LUZP2: variants seen among roughly 807,000 people sequenced by gnomAD.
The protein encoded by LUZP2 is leucine zipper protein 2.
LUZP2 carries 52 observed loss-of-function variants against 51.6 expected under a neutral mutation model. The observed-to-expected ratio is 1.01, with a 90% CI of 0.81 to 1.27. The LOEUF is 1.27. LUZP2 is among the 50% of genes most tolerant of loss of function. LUZP2 has a pLI of 0.00. For missense variants in LUZP2, 436 were observed against 395.4 expected (o/e 1.10, Z -0.87); for synonymous variants, 154 against 137.3 (o/e 1.12, Z -0.85).
At chr11:24,893,919 C>T (rs1480272656) in intron 5 of LUZP2, among the ~76,000 whole-genome samples, 2 of 152,052 alleles carry the variant, frequency 1.3e-5, no homozygotes, top group Non-Finnish European at 2.9e-5. Context: ...TATAAACCTG[C>T]TTTACAATTA....
chr11:24,516,652 A>C (rs1296847735), intron 1 of LUZP2, among the ~76,000 whole-genome samples: 1 of 152,202 alleles, frequency 6.6e-6, no homozygotes, highest in African/African-American at 2.4e-5. Flanking sequence ...TTCTGTGAGA[A>C]AGGTAAGAGA....
intron 10 of LUZP2, among the ~76,000 whole-genome samples, chr11:25,051,006 A>G (rs888747831): frequency 6.6e-6 from 1 of 152,230 alleles, no homozygotes; most frequent in African/African-American, 2.4e-5. Flanking sequence ...AGAACAGCAA[A>G]TGACAACAAT....
At position 24,829,872 on chromosome 11, in the gene LUZP2, G is replaced by A. The variant is rs574210547; in HGVS notation, c.396+66564G>A. On this transcript the variant is annotated intron_variant, in intron 5 of 11. Transcript: ENST00000336930. ...AGTTAACAGCTGACAATGCCTTCTT[G>A]CAAAACATGATTGTGGATAAAAGAA... 5.3e-5 allele frequency among the ~76,000 whole-genome samples: 8 copies of A among 152,262 alleles called. No homozygotes were observed. In the East Asian group the frequency reaches 1.5e-3, roughly 29 times the overall value.
chr11:24,996,578 TTTTATTTTATTTTATTTTATTTTA>T (rs1856508715), intron 9 of LUZP2, among the ~76,000 whole-genome samples: 2 of 4,534 alleles, frequency 4.4e-4, no homozygotes, highest in African/African-American at 4.7e-4. Context: ...TCTTTTTTTA[TTTTATTTTATTTTATTTTATTTTA>T]TTTTATTTTA....
intron 1 of LUZP2, among the ~76,000 whole-genome samples, chr11:24,505,199 T>G (rs1051980900): frequency 6.6e-6 from 1 of 152,126 alleles, no homozygotes; most frequent in Non-Finnish European, 1.5e-5. Flanking sequence ...AGGGTTATGA[T>G]GGTTTCTGAC....
At chr11:24,893,771 C>G (rs560889861) in intron 5 of LUZP2, among the ~76,000 whole-genome samples, 1 of 21,162 alleles carries the variant, frequency 4.7e-5, no homozygotes, top group African/African-American at 1.3e-4. Context: ...CAAATACACA[C>G]GCACACACAC....
intron 1 of LUZP2, among the ~76,000 whole-genome samples, chr11:24,502,213 C>T (rs181692415): frequency 4.4e-4 from 62 of 139,536 alleles, no homozygotes; most frequent in African/African-American, 1.8e-3. Flanking sequence ...TTGATTTGGC[C>T]ATAGCAGAAA....
At chr11:25,013,536 T>G (rs1321516896) in intron 9 of LUZP2, among the ~76,000 whole-genome samples, 1 of 152,104 alleles carries the variant, frequency 6.6e-6, no homozygotes, top group East Asian at 1.9e-4. Flanking sequence ...TTGAAATGCG[T>G]GAAGATATAT....
At chr11:24,566,722 T>C (rs1341943694) in intron 1 of LUZP2, among the ~76,000 whole-genome samples, 1 of 146,554 alleles carries the variant, frequency 6.8e-6, no homozygotes, top group African/African-American at 2.5e-5. Flanking sequence ...TATATATATG[T>C]ATATATACAT....
At chr11:24,649,367 G>A (rs1201521337) in intron 1 of LUZP2, among the ~76,000 whole-genome samples, 2 of 151,870 alleles carry the variant, frequency 1.3e-5, no homozygotes, top group East Asian at 3.9e-4. Flanking sequence ...CTTCAAACTT[G>A]GAACATATTT....
intron 1 of LUZP2, among the ~76,000 whole-genome samples, chr11:24,541,712 A>G (rs1851370186): frequency 6.6e-6 from 1 of 152,096 alleles, no homozygotes; most frequent in Admixed American, 6.6e-5. Context: ...CAAAACTTTT[A>G]TTATTCAAAT....
At chr11:24,644,437 T>C (rs1855404092) in intron 1 of LUZP2, among the ~76,000 whole-genome samples, 1 of 152,038 alleles carries the variant, frequency 6.6e-6, no homozygotes, top group South Asian at 2.1e-4. Flanking sequence ...TTTCCTCCTG[T>C]TCGTGCTGCA....
At chr11:24,547,642 A>G (rs569817388) in intron 1 of LUZP2, among the ~76,000 whole-genome samples, 8 of 152,224 alleles carry the variant, frequency 5.3e-5, no homozygotes, top group African/African-American at 1.9e-4. Context: ...CATAGGAAAT[A>G]TCATTCTGGA....
intron 5 of LUZP2, among the ~76,000 whole-genome samples, chr11:24,886,640 G>A (rs2133747598): frequency 6.6e-6 from 1 of 152,110 alleles, no homozygotes; most frequent in South Asian, 2.1e-4. Context: ...CTTCTTAAGG[G>A]GAAGAAACCA....
At chr11:24,648,583 C>CT (rs1855532489) in intron 1 of LUZP2, among the ~76,000 whole-genome samples, 1 of 151,754 alleles carries the variant, frequency 6.6e-6, no homozygotes, top group Non-Finnish European at 1.5e-5. Context: ...CTTCCAGAAA[C>CT]CAAAGTACAA....
At chr11:24,626,692 C>G (rs1020263911) in intron 1 of LUZP2, among the ~76,000 whole-genome samples, 1 of 152,172 alleles carries the variant, frequency 6.6e-6, no homozygotes, top group Non-Finnish European at 1.5e-5. Flanking sequence ...TGTGAATCAA[C>G]TCTGTGGGCT....
In LUZP2 at chr11:24,906,063, T is replaced by G; in HGVS notation, c.459+10T>G. On this transcript the variant is annotated intron_variant, in intron 6 of 11. Coordinates refer to ENST00000336930, the MANE Select transcript of LUZP2 (RefSeq NM_001009909.4). The stretch of plus-strand genomic sequence containing the variant: ...CATTCACGCAGAAGAGGTGAGTAAA[T>G]TTTTGCTTCTTCTAGCTTTAACCAG... 1 of 1,609,164 alleles carries G rather than the reference T, an allele frequency of 6.2e-7. No homozygotes were observed. The highest frequency in any genetic ancestry group is 8.5e-7 in the Non-Finnish European group (1 of 1,176,542).
intron 5 of LUZP2, among the ~76,000 whole-genome samples, chr11:24,814,723 T>C (rs1272449548): frequency 2.0e-5 from 3 of 152,274 alleles, no homozygotes; most frequent in African/African-American, 4.8e-5. Context: ...CCGGGAGCGG[T>C]AGCTCAAGCC....
chr11:24,746,192 A>G (rs1038536877), intron 4 of LUZP2, among the ~76,000 whole-genome samples: 1 of 152,156 alleles, frequency 6.6e-6, no homozygotes, highest in Non-Finnish European at 1.5e-5. Context: ...TGATGTTTCC[A>G]GGATTTGTTT....
Sources: gnomAD v4.1 joint callset for allele counts (sites outside exome capture counted in the v4.1 genomes callset) on GRCh38, gnomAD v4.1.1 for gene constraint, MANE v1.5 for transcripts, NCBI Gene and HGNC (gene_info 2026-07-23, HGNC 2026-07-21) for gene names.